Variants in PDE10A observed in about 807,000 individuals in gnomAD.
The protein encoded by PDE10A is cAMP and cAMP-inhibited cGMP 3',5'-cyclic phosphodiesterase 10A.
A neutral mutation model predicts 97.7 loss-of-function variants in PDE10A; 39 were observed. The ratio of observed to expected loss-of-function variants is 0.40; its 90% CI spans 0.31 to 0.52. The LOEUF is 0.52. Ranked by LOEUF, PDE10A falls within the 20% of genes least tolerant of loss-of-function variation. PDE10A has a pLI of 0.56. For synonymous variants in PDE10A, 371 were observed against 376.8 expected (o/e 0.98, Z 0.18); for missense variants, 731 against 1,047.8 (o/e 0.70, Z 4.17).
At chr6:165,960,740 T>C (rs1784333190) in intron 1 of PDE10A, among the ~76,000 whole-genome samples, 1 of 152,068 alleles carries the variant, frequency 6.6e-6, no homozygotes, top group Non-Finnish European at 1.5e-5. Flanking sequence ...CCCAGGGGCA[T>C]TGAGGAGATG....
At chr6:165,335,894 T>C (rs890982177) in intron 21 of PDE10A, among the ~76,000 whole-genome samples, 3 of 152,010 alleles carry the variant, frequency 2.0e-5, no homozygotes, top group African/African-American at 7.2e-5. Context: ...CAGAAGAAGC[T>C]ACCCAAGCAC....
At chr6:165,392,582 T>C in intron 16 of PDE10A, 64 bp downstream of exon 16, 3 of 1,476,608 alleles carry the variant, frequency 2.0e-6, no homozygotes. Context: ...ATCAATGTGC[T>C]CCTGACACAC....
chr6:165,350,154 T>G (rs1291949884), intron 18 of PDE10A, among the ~76,000 whole-genome samples: 1 of 152,142 alleles, frequency 6.6e-6, no homozygotes, highest in Non-Finnish European at 1.5e-5. Context: ...CTGGAAAAGC[T>G]GCAGACACTC....
At chr6:165,395,124 G>T in intron 15 of PDE10A, 57 bp downstream of exon 15, 1 of 1,034,444 alleles carries the variant, frequency 9.7e-7, no homozygotes, top group South Asian at 1.3e-5. Context: ...TATGTAGAAG[G>T]AGGAAGAGGT....
chr6:165,439,370 A>G (rs1428892231), intron 5 of PDE10A, among the ~76,000 whole-genome samples: 1 of 152,184 alleles, frequency 6.6e-6, no homozygotes, highest in Non-Finnish European at 1.5e-5. Context: ...GATAAAAACC[A>G]CAACTAAAAA....
chr6:165,879,304 C>T (rs978996837), intron 1 of PDE10A, among the ~76,000 whole-genome samples: 1 of 152,140 alleles, frequency 6.6e-6, no homozygotes, highest in Non-Finnish European at 1.5e-5. Flanking sequence ...TAAGGGAGTT[C>T]AAGCTGCTGG....
intron 1 of PDE10A, among the ~76,000 whole-genome samples, chr6:165,693,181 A>G (rs1353462741): frequency 6.6e-6 from 1 of 152,196 alleles, no homozygotes; most frequent in Non-Finnish European, 1.5e-5. Flanking sequence ...TCAGATACTC[A>G]TCTGCATTGT....
chr6:165,495,360 A>G (rs896941749), intron 2 of PDE10A, among the ~76,000 whole-genome samples: 11 of 151,972 alleles, frequency 7.2e-5, no homozygotes, highest in African/African-American at 2.4e-4. Context: ...GGAAAGGGAG[A>G]GAGAAAGGGA....
intron 1 of PDE10A, among the ~76,000 whole-genome samples, chr6:165,603,819 A>G (rs1787082029): frequency 1.3e-5 from 2 of 152,246 alleles, no homozygotes; most frequent in African/African-American, 4.8e-5. Context: ...ATTGGCACTA[A>G]CTTAAATATT....
intron 1 of PDE10A, among the ~76,000 whole-genome samples, chr6:165,624,653 C>T (rs1788298174): frequency 6.6e-6 from 1 of 152,186 alleles, no homozygotes; most frequent in African/African-American, 2.4e-5. Flanking sequence ...ACTCTTCATT[C>T]ACCCATCGGA....
intron 1 of PDE10A, among the ~76,000 whole-genome samples, chr6:165,601,336 A>G (rs1786938593): frequency 6.6e-6 from 1 of 152,160 alleles, no homozygotes. Flanking sequence ...ATATGATATG[A>G]CTGAAGTATT....
intron 1 of PDE10A, among the ~76,000 whole-genome samples, chr6:165,892,797 C>A (rs1314420345): frequency 6.6e-6 from 1 of 152,204 alleles, no homozygotes; most frequent in Admixed American, 6.5e-5. Flanking sequence ...ACACTGTTGT[C>A]TCCATCAAGT....
At position 165,328,264 on chromosome 6, in the gene PDE10A, T is replaced by C. The variant is rs1337206043; in HGVS notation, c.*4761A>G. 17 of 152,184 alleles carry C rather than the reference T, an allele frequency of 1.1e-4. No homozygotes were observed. Among genetic ancestry groups the C allele is most frequent in the Admixed American group, 1.0e-3 (16 of 15,282 alleles). The allele number at this position is 152,184 out of a possible 1,614,324, so 9.4% of individuals were successfully genotyped here. A position where few individuals can be genotyped will look rare whatever the true frequency, so the allele number is the denominator to read the frequency against. On this transcript the variant is annotated 3_prime_UTR_variant, in exon 22 of 22. Transcript: ENST00000539869. ...TACAGCATAGGACTGGGTATTAAGG[T>C]GACTAAAGAAAAAGACAAAGGCTGT... is the stretch of plus-strand genomic sequence containing the variant.
chr6:165,922,516 A>G (rs1782785604), intron 1 of PDE10A, among the ~76,000 whole-genome samples: 1 of 152,240 alleles, frequency 6.6e-6, no homozygotes, highest in Admixed American at 6.5e-5. Context: ...TAGTTGAGAT[A>G]TTCATATGGA....
chr6:165,439,297 T>C lies in PDE10A; in HGVS notation c.1195-3920A>G, dbSNP rs145682776. On this transcript the variant is annotated intron_variant, in intron 5 of 21. Coordinates refer to ENST00000539869, the MANE Select transcript of PDE10A (RefSeq NM_001385079.1). ...GAACTGAGTCTCTAAGATTAATTCC[T>C]GCTCTACTACTGTATAAATATATAA... 5.7e-3 allele frequency among the ~76,000 whole-genome samples: 873 copies of C among 152,324 alleles called. 8 individuals are homozygous for C. Among genetic ancestry groups the C allele is most frequent in the Non-Finnish European group, 4.9e-3 (332 of 68,022 alleles).
chr6:165,607,696 A>T (rs777558219), intron 1 of PDE10A, among the ~76,000 whole-genome samples: 12 of 152,196 alleles, frequency 7.9e-5, no homozygotes, highest in Non-Finnish European at 1.6e-4. Context: ...ATAGAGTTTC[A>T]TGTATGTGAA....
At chr6:165,338,472 C>A (rs191429436) in intron 20 of PDE10A, among the ~76,000 whole-genome samples, 1 of 152,166 alleles carries the variant, frequency 6.6e-6, no homozygotes, top group Non-Finnish European at 1.5e-5. Flanking sequence ...GCAAAACTAG[C>A]GAGGCACAAG....
intron 1 of PDE10A, among the ~76,000 whole-genome samples, chr6:165,837,475 T>C (rs971565132): frequency 1.3e-5 from 2 of 152,308 alleles, no homozygotes; most frequent in South Asian, 2.1e-4. Flanking sequence ...TCATAAACTA[T>C]GTTGGCTCTA....
intron 13 of PDE10A, among the ~76,000 whole-genome samples, chr6:165,401,970 T>A (rs571186985): frequency 6.6e-6 from 1 of 152,168 alleles, no homozygotes; most frequent in Non-Finnish European, 1.5e-5. Flanking sequence ...TTACTCAGTA[T>A]TTACTGTAAA....
Sources: allele counts gnomAD v4.1 joint callset (sites outside exome capture counted in the v4.1 genomes callset), GRCh38; gene constraint gnomAD v4.1.1; transcripts MANE v1.5; gene names NCBI Gene and HGNC (gene_info 2026-07-23, HGNC 2026-07-21).